Variants in VAV1 observed in about 807,000 individuals in gnomAD.
The protein encoded by VAV1 is proto-oncogene vav.
Under a neutral mutation model 128.1 loss-of-function variants are expected in VAV1, and 33 were observed. The ratio of observed to expected loss-of-function variants is 0.26; its 90% CI spans 0.20 to 0.34. The LOEUF is 0.34. Ranked by LOEUF, VAV1 falls within the 10% of genes least tolerant of loss-of-function variation. The pLI is 1.00. For missense variants in VAV1, 715 were observed against 1,093.7 expected, an observed-to-expected ratio of 0.65 and a Z score of 4.88; for synonymous variants, 394 against 409.8, an observed-to-expected ratio of 0.96 and a Z score of 0.47.
chr19:6,850,526 A>ATGGGC lies in VAV1; in HGVS notation c.2130-142_2130-138dup. 6 of 666,078 alleles carry ATGGGC rather than the reference A, an allele frequency of 9.0e-6. No homozygotes were observed. The East Asian group carries it at 1.7e-4, about 18-fold the overall frequency. The allele number at this position is 666,078 out of a possible 1,614,324, so 41.3% of individuals were successfully genotyped here. ...TTTAGAGTAGCAAAGGCCCCAGGGAATGGGCTCTGTTGGGACAGCTTGTCT... is the reference window on the plus strand; with the variant it reads ...TTTAGAGTAGCAAAGGCCCCAGGGAATGGGCTGGGCTCTGTTGGGACAGCTTGTCT... On this transcript the variant is annotated intron_variant, in intron 23 of 26. Transcript: ENST00000602142.
chr19:6,850,134 T>A (rs10423696), intron 23 of VAV1, among the ~76,000 whole-genome samples: 1 of 150,828 alleles, frequency 6.6e-6, no homozygotes, highest in African/African-American at 2.4e-5. Flanking sequence ...GAATTTCCCT[T>A]ACTTTTTTTT....
intron 15 of VAV1, 40 bp downstream of exon 15, chr19:6,832,240 G>T (rs765770275): frequency 4.4e-6 from 7 of 1,600,224 alleles, no homozygotes; most frequent in Admixed American, 1.7e-5. Context: ...TCCACAGAGG[G>T]GCAGGGGCTG....
At chr19:6,830,183 C>G (rs948362634) in intron 14 of VAV1, among the ~76,000 whole-genome samples, 1 of 152,166 alleles carries the variant, frequency 6.6e-6, no homozygotes, top group Non-Finnish European at 1.5e-5. Context: ...CTCAGTCTCC[C>G]GAGTAGCTGG....
intron 1 of VAV1, among the ~76,000 whole-genome samples, chr19:6,804,081 G>T (rs111975218): frequency 0.053 from 8,121 of 152,120 alleles, 236 homozygotes; most frequent in Middle Eastern, 0.095. Flanking sequence ...TGGAAAGGGG[G>T]TATGGATAGG....
intron 1 of VAV1, among the ~76,000 whole-genome samples, chr19:6,782,216 G>C (rs1169048646): frequency 6.6e-6 from 1 of 151,996 alleles, no homozygotes. Flanking sequence ...TGTAATCCCA[G>C]CTACTCAGGA....
chr19:6,785,284 G>A lies in VAV1; in HGVS notation c.204+12273G>A, dbSNP rs147625642. Among the ~76,000 whole-genome samples the A allele has an allele frequency of 8.9e-3, 1,349 of 152,064 alleles. 4 individuals are homozygous for A. The highest frequency in any genetic ancestry group is 0.011 in the Non-Finnish European group (743 of 67,986). ...ACTTCTGGGCTCAAGTGATCCTCTC[G>A]CCTCTGCCTCCCAAAGTGCTCGGAT... On this transcript the variant is annotated intron_variant, in intron 1 of 26. Transcript: ENST00000602142.
At chr19:6,788,268 G>A (rs1277823914) in intron 1 of VAV1, among the ~76,000 whole-genome samples, 1 of 151,900 alleles carries the variant, frequency 6.6e-6, no homozygotes, top group Non-Finnish European at 1.5e-5. Context: ...CTCTGAGTTC[G>A]ATGGAAAATA....
rs1372740265 is a variant in VAV1, at chr19:6,828,515, C to T, written c.1092+28C>T. 2.5e-6 allele frequency: 4 copies of T among 1,613,894 alleles called. No homozygotes were observed. The highest frequency in any genetic ancestry group is 3.3e-5 in the Admixed American group (2 of 59,982). On this transcript the variant is annotated intron_variant, in intron 11 of 26. Transcript: ENST00000602142. This position sits in a 1 kb window ranked among gnomAD's most constrained non-coding sequence, Gnocchi z 4.5. ...GAGTGGGTGTAGGGTGCTGGTGACT[C>T]ACCTGCTGCAGACACCCTCCTGGTA...
intron 2 of VAV1, 102 bp from the exon 3 acceptor site, chr19:6,821,520 G>A: frequency 5.8e-6 from 8 of 1,388,548 alleles, no homozygotes; most frequent in Non-Finnish European, 8.2e-6. Flanking sequence ...GCTTCCAAGA[G>A]GCATGGGATC....
At chr19:6,848,513 C>T (rs1383643918) in intron 23 of VAV1, among the ~76,000 whole-genome samples, 4 of 149,926 alleles carry the variant, frequency 2.7e-5, no homozygotes, top group Non-Finnish European at 4.4e-5. Flanking sequence ...AGCGATTCTC[C>T]TGCCTCAGAC....
chr19:6,854,796 A>C (rs1320236666), intron 26 of VAV1, among the ~76,000 whole-genome samples: 3 of 152,186 alleles, frequency 2.0e-5, no homozygotes, highest in Non-Finnish European at 4.4e-5. Context: ...GACCCACCCT[A>C]GGAGTGGATC....
chr19:6,802,091 C>CA (rs200485277), intron 1 of VAV1, among the ~76,000 whole-genome samples: 4,187 of 151,352 alleles, frequency 0.028, 216 homozygotes, highest in African/African-American at 0.096. Flanking sequence ...ATAGCAAGGA[C>CA]AAAAAACCAA....
At chr19:6,791,006 C>T (rs1599625489) in intron 1 of VAV1, among the ~76,000 whole-genome samples, 1 of 152,208 alleles carries the variant, frequency 6.6e-6, no homozygotes, top group Non-Finnish European at 1.5e-5. Context: ...GAGTCGAGTC[C>T]TGCCTCCTAT....
rs781046322 is a variant in VAV1 at position 6,822,280 on chromosome 19, G to T, written c.509G>T (p.Gly170Val). The change falls in exon 5 of 27, where the codon GGC (glycine) becomes GTC (valine). Residue 170 changes from glycine (G) to valine (V), a missense_variant. By Grantham distance (109) the Gly-to-Val change is moderately radical. Coordinates refer to ENST00000602142, the MANE Select transcript of VAV1 (RefSeq NM_005428.4). The surrounding 1 kb of genome is among the most constrained non-coding windows in gnomAD (Gnocchi z 5.9). ...YDCVENEEAE[G>V]DEIYEDLMRS... ...TGCGTGGAGAATGAGGAGGCGGAAG[G>T]CGACGAGATCTATGAGGACCTCATG... The T allele has an allele frequency of 1.9e-6, 3 of 1,593,110 alleles. No homozygotes were observed. The highest frequency in any genetic ancestry group is 2.7e-5 in the African/African-American group (2 of 74,782).
chr19:6,802,041 C>G (rs371725160), intron 1 of VAV1, among the ~76,000 whole-genome samples: 1 of 149,320 alleles, frequency 6.7e-6, no homozygotes, highest in African/African-American at 2.5e-5. Flanking sequence ...CATAATGCCT[C>G]TCCTACGTTT....
intron 1 of VAV1, among the ~76,000 whole-genome samples, chr19:6,785,663 T>TTCTTTC (rs201935967): frequency 1.2e-5 from 1 of 84,696 alleles, no homozygotes; most frequent in African/African-American, 5.0e-5. Flanking sequence ...CTTTCTTTCT[T>TTCTTTC]TTTTTTTTTT....
In VAV1 at chr19:6,833,722, A is replaced by T; in HGVS notation, c.1720A>T (p.Thr574Ser). 1 of 1,614,150 alleles carries T rather than the reference A, an allele frequency of 6.2e-7. No individual in the cohort carries two copies. Residue 574 changes from threonine (T) to serine (S), a missense_variant, in exon 18 of 27, where the codon ACT (threonine) becomes TCT (serine). Transcript: ENST00000602142. ...CGRHGQDFPG[T>S]MKKDKLHRRA... ...TTACCCTCCCGTAGATTTCCCAGGAACTATGAAGAAGGTAAGACTTTCCCG... is the reference window on the plus strand; with the variant it reads ...TTACCCTCCCGTAGATTTCCCAGGATCTATGAAGAAGGTAAGACTTTCCCG...
chr19:6,808,924 C>T (rs949238416), intron 1 of VAV1, among the ~76,000 whole-genome samples: 27 of 152,086 alleles, frequency 1.8e-4, no homozygotes, highest in African/African-American at 4.8e-4. Context: ...CTGCTCCACA[C>T]GGTCTCTCAT....
chr19:6,806,737 G>A, intron 1 of VAV1, among the ~76,000 whole-genome samples: 1 of 152,204 alleles, frequency 6.6e-6, no homozygotes, highest in East Asian at 1.9e-4. Flanking sequence ...CAAGGGGATG[G>A]GCCATGCTAA....
Sources: gnomAD v4.1 joint callset for allele counts (sites outside exome capture counted in the v4.1 genomes callset) on GRCh38, gnomAD v4.1.1 for gene constraint, Gnocchi (gnomAD v3.1) non-coding constraint, MANE v1.5 for transcripts, NCBI Gene and HGNC (gene_info 2026-07-23, HGNC 2026-07-21) for gene names.